Variants in KIF13A observed in about 807,000 individuals in gnomAD.
The protein encoded by KIF13A is kinesin-like protein KIF13A.
In KIF13A, 79 loss-of-function variants were observed where a neutral mutation model predicts 212.2. That is an observed-to-expected ratio of 0.37 (90% CI 0.31 to 0.45). The LOEUF is 0.45. KIF13A is among the 20% of genes least tolerant of loss of function. The pLI is 1.00. For missense variants in KIF13A, 1,901 were observed against 2,209.0 expected, an observed-to-expected ratio of 0.86 and a Z score of 2.79; for synonymous variants, 789 against 808.6, an observed-to-expected ratio of 0.98 and a Z score of 0.41.
chr6:17,791,901 C>CA (rs57423111), intron 25 of KIF13A, among the ~76,000 whole-genome samples: 40,995 of 89,860 alleles, frequency 0.46, 9,680 homozygotes, highest in East Asian at 0.61. Flanking sequence ...GACTCTGTCT[C>CA]AAAAAAAAAA....
At chr6:17,766,563 A>AT (rs1015549097) in intron 38 of KIF13A, among the ~76,000 whole-genome samples, 7 of 151,784 alleles carry the variant, frequency 4.6e-5, no homozygotes, top group African/African-American at 1.2e-4. Context: ...TTATTTATTT[A>AT]TTTTTTTACA....
Position 17,883,303 on chromosome 6 carries a change from T to A in KIF13A, c.160-9866A>T, listed in dbSNP as rs1048389584. On this transcript the variant is annotated intron_variant, in intron 3 of 38. Transcript: ENST00000259711. This position sits in a 1 kb window ranked among gnomAD's most constrained non-coding sequence, Gnocchi z 4.8. ...TTAAGCCTGCAGTGAGCTGTGATCA[T>A]GTCACTGCACTCCAGCCTGGGTCAC... Among the ~76,000 whole-genome samples the A allele has an allele frequency of 1.1e-4, 17 of 152,110 alleles. No individual in the cohort carries two copies. Among genetic ancestry groups the A allele is most frequent in the African/African-American group, 3.6e-4 (15 of 41,408 alleles).
chr6:17,959,503 A>G (rs143934078), intron 2 of KIF13A, among the ~76,000 whole-genome samples: 6 of 152,352 alleles, frequency 3.9e-5, no homozygotes, highest in Admixed American at 3.3e-4. Context: ...GGAAAGCAGC[A>G]GAGGAAAGAA....
rs1775993640 is a variant in KIF13A, at chr6:17,931,628, T to G, written c.147-33448A>C. On this transcript the variant is annotated intron_variant, in intron 2 of 38. Coordinates refer to ENST00000259711, the MANE Select transcript of KIF13A (RefSeq NM_022113.6). ...CTCAAACTCCTGGACTCAAGTGATC[T>G]TCCTACTTCAGCCTCCCTGGTAAGT... is the stretch of plus-strand genomic sequence containing the variant. 2.0e-5 allele frequency among the ~76,000 whole-genome samples: 3 copies of G among 152,272 alleles called. No individual in the cohort carries two copies. The South Asian group carries it at 6.2e-4, about 32-fold the overall frequency.
intron 4 of KIF13A, among the ~76,000 whole-genome samples, chr6:17,858,473 CGAA>C (rs1581547858): frequency 6.6e-6 from 1 of 152,134 alleles, no homozygotes; most frequent in East Asian, 1.9e-4. Flanking sequence ...CTTGTGCTCA[CGAA>C]GAAAATACCT....
At chr6:17,962,310 C>CA (rs1778887486) in intron 2 of KIF13A, among the ~76,000 whole-genome samples, 1 of 149,626 alleles carries the variant, frequency 6.7e-6, no homozygotes, top group Non-Finnish European at 1.5e-5. Context: ...GACTCCGTCT[C>CA]AAAAAACAAA....
In KIF13A at chr6:17,855,390, A is replaced by T; in HGVS notation, c.494+47T>A. 3.6e-6 allele frequency: 5 copies of T among 1,389,126 alleles called. No individual in the cohort carries two copies. Among genetic ancestry groups the T allele is most frequent in the Non-Finnish European group, 4.9e-6 (5 of 1,010,778 alleles). 86.1% of individuals were successfully genotyped at this position (1,389,126 alleles called of 1,614,324 possible). A position where few individuals can be genotyped will look rare whatever the true frequency, so the allele number is the denominator to read the frequency against. ...CCAATTTTAACTTTAGAATCATTTA[A>T]AATTATCTCCCCCTATTAACACACT... On this transcript the variant is annotated intron_variant, in intron 6 of 38. Transcript: ENST00000259711. This position sits in a 1 kb window ranked among gnomAD's most constrained non-coding sequence, Gnocchi z 4.1.
chr6:17,966,182 A>G (rs1779291223), intron 2 of KIF13A, among the ~76,000 whole-genome samples: 1 of 152,192 alleles, frequency 6.6e-6, no homozygotes, highest in Non-Finnish European at 1.5e-5. Context: ...TGACAGAGTG[A>G]GATTCTGTCT....
Position 17,773,226 on chromosome 6 carries a change from CA to C in KIF13A, c.4324+251del, listed in dbSNP as rs1329540980. ...GGACTTGAAAGTCAGGAAATGATGA[CA>C]AAAAATGATTCAGAAGTTCTAAAGT... On this transcript the variant is annotated intron_variant, in intron 36 of 38. Transcript: ENST00000259711. This position sits in a 1 kb window ranked among gnomAD's most constrained non-coding sequence, Gnocchi z 4.2. Among the ~76,000 whole-genome samples the C allele has an allele frequency of 6.6e-6, 1 of 151,928 alleles. No homozygotes were observed. The highest frequency in any genetic ancestry group is 1.9e-4 in the East Asian group (1 of 5,190).
intron 12 of KIF13A, among the ~76,000 whole-genome samples, chr6:17,832,843 C>G (rs1323216322): frequency 1.3e-5 from 2 of 151,110 alleles, no homozygotes; most frequent in Non-Finnish European, 2.9e-5. Context: ...GAAACCCCAT[C>G]TCTACTAAAG....
At position 17,863,012 on chromosome 6, in the gene KIF13A, G is replaced by C. The variant is rs187504116; in HGVS notation, c.221-6890C>G. On this transcript the variant is annotated intron_variant, in intron 4 of 38. Transcript: ENST00000259711. ...TAGCCAGGCATGGTGGTGGAGGATTGTTTGAGCCTAGGAGGTTGAGGCTAG... is the reference window on the plus strand; with the variant it reads ...TAGCCAGGCATGGTGGTGGAGGATTCTTTGAGCCTAGGAGGTTGAGGCTAG... Among the ~76,000 whole-genome samples, 233 of 152,302 alleles carry C rather than the reference G, an allele frequency of 1.5e-3. 2 individuals carry two copies. Among genetic ancestry groups the C allele is most frequent in the African/African-American group, 5.3e-3 (219 of 41,570 alleles).
rs1462411102 is a variant in KIF13A, at chr6:17,776,958, A to G, written c.4170+319T>C. On this transcript the variant is annotated intron_variant, in intron 34 of 38. Coordinates refer to ENST00000259711, the MANE Select transcript of KIF13A (RefSeq NM_022113.6). The surrounding 1 kb of genome is among the most constrained non-coding windows in gnomAD (Gnocchi z 4.6). ...TGGGCACAAAAACTGACCCTGGAGCAGCCAGCGTCCAGGGACTCGGGTGCA... is the reference window on the plus strand; with the variant it reads ...TGGGCACAAAAACTGACCCTGGAGCGGCCAGCGTCCAGGGACTCGGGTGCA... 6.6e-6 allele frequency among the ~76,000 whole-genome samples: 1 copy of G among 152,228 alleles called. No individual in the cohort carries two copies. Among genetic ancestry groups the G allele is most frequent in the Admixed American group, 6.5e-5 (1 of 15,280 alleles).
chr6:17,983,462 A>C (rs941805679), intron 2 of KIF13A, among the ~76,000 whole-genome samples: 382 of 114,032 alleles, frequency 3.3e-3, no homozygotes, highest in African/African-American at 5.4e-3. Context: ...ACCCACACCC[A>C]CCCCACCCCC....
intron 2 of KIF13A, among the ~76,000 whole-genome samples, chr6:17,928,252 G>A (rs189978143): frequency 1.3e-5 from 2 of 152,278 alleles, no homozygotes; most frequent in Non-Finnish European, 1.5e-5. Flanking sequence ...TCTCTATAGC[G>A]TAGGTGTTTT....
chr6:17,795,319 G>A (rs1207965171), intron 23 of KIF13A, among the ~76,000 whole-genome samples: 3 of 151,606 alleles, frequency 2.0e-5, no homozygotes, highest in South Asian at 2.1e-4. Flanking sequence ...GTGGTGGCTC[G>A]AGCTTGTAAT....
Position 17,888,685 on chromosome 6 carries a change from C to A in KIF13A, c.159+9483G>T, listed in dbSNP as rs574859078. ...CCAAAAAATACAAAAATTAGCTGGG[C>A]GTGGTGGCACAGGCCTGTAGTCCCA... is the stretch of plus-strand genomic sequence containing the variant. On this transcript the variant is annotated intron_variant, in intron 3 of 38. Coordinates refer to ENST00000259711, the MANE Select transcript of KIF13A (RefSeq NM_022113.6). This position sits in a 1 kb window ranked among gnomAD's most constrained non-coding sequence, Gnocchi z 4.8. Among the ~76,000 whole-genome samples, 10 of 152,032 alleles carry A rather than the reference C, an allele frequency of 6.6e-5. No homozygotes were observed. The highest frequency in any genetic ancestry group is 2.4e-4 in the African/African-American group (10 of 41,472).
intron 38 of KIF13A, among the ~76,000 whole-genome samples, chr6:17,770,042 G>C (rs539669622): frequency 1.3e-4 from 20 of 152,178 alleles, no homozygotes; most frequent in African/African-American, 4.8e-4. Flanking sequence ...AGACCCACCC[G>C]CACCCCAAGC....
In KIF13A at chr6:17,919,323, A is replaced by G. The variant is rs1421190339; in HGVS notation, c.147-21143T>C. 1.3e-5 allele frequency among the ~76,000 whole-genome samples: 2 copies of G among 152,248 alleles called. No individual in the cohort carries two copies. The highest frequency in any genetic ancestry group is 2.9e-5 in the Non-Finnish European group (2 of 68,042). On this transcript the variant is annotated intron_variant, in intron 2 of 38. Transcript: ENST00000259711. The surrounding 1 kb of genome is among the most constrained non-coding windows in gnomAD (Gnocchi z 4.1). The stretch of plus-strand genomic sequence containing the variant: ...AATACATGGCCAGTCTTGCACAGGT[A>G]AAGTACTATGTACTTAATGCTGCTA...
chr6:17,872,606 T>C lies in KIF13A; in HGVS notation c.220+771A>G, dbSNP rs1770119977. Among the ~76,000 whole-genome samples, 1 of 152,222 alleles carries C rather than the reference T, an allele frequency of 6.6e-6. No homozygotes were observed. Among genetic ancestry groups the C allele is most frequent in the Non-Finnish European group, 1.5e-5 (1 of 68,040 alleles). ...TTTCAAAACATCACACTGTACATGA[T>C]AAATATATGCAACTTTCATTTGCCA... On this transcript the variant is annotated intron_variant, in intron 4 of 38. Coordinates refer to ENST00000259711, the MANE Select transcript of KIF13A (RefSeq NM_022113.6). This position sits in a 1 kb window ranked among gnomAD's most constrained non-coding sequence, Gnocchi z 4.7.
Sources: gnomAD v4.1 joint callset for allele counts (sites outside exome capture counted in the v4.1 genomes callset) on GRCh38, gnomAD v4.1.1 for gene constraint, Gnocchi (gnomAD v3.1) non-coding constraint, MANE v1.5 for transcripts, NCBI Gene and HGNC (gene_info 2026-07-23, HGNC 2026-07-21) for gene names.